Variants in ZDHHC14 observed in about 807,000 individuals in gnomAD.
ZDHHC14 encodes the protein palmitoyltransferase ZDHHC14.
A neutral mutation model predicts 47.7 loss-of-function variants in ZDHHC14; 16 were observed. The observed-to-expected ratio is 0.34, with a 90% CI of 0.23 to 0.51. The LOEUF (loss-of-function observed/expected upper bound fraction) is 0.51, where lower values mean the gene tolerates loss of function less well. Ranked by LOEUF, ZDHHC14 falls within the 20% of genes least tolerant of loss-of-function variation. The pLI, the probability that ZDHHC14 is intolerant of heterozygous loss-of-function variation, is 0.97. For missense variants in ZDHHC14, 515 were observed against 662.5 expected (o/e 0.78, Z 2.44); for synonymous variants, 293 against 278.9 (o/e 1.05, Z -0.50).
At chr6:157,518,044 G>A (rs1780765133) in intron 1 of ZDHHC14, among the ~76,000 whole-genome samples, 1 of 152,184 alleles carries the variant, frequency 6.6e-6, no homozygotes, top group South Asian at 2.1e-4. Flanking sequence ...AGGGTGGGGG[G>A]CTGGCCACCC....
chr6:157,550,406 CAT>C (rs1225129457), intron 2 of ZDHHC14, among the ~76,000 whole-genome samples: 1 of 151,862 alleles, frequency 6.6e-6, no homozygotes, highest in African/African-American at 2.4e-5. Flanking sequence ...GTCACACAGG[CAT>C]TCTAGAGAGA....
chr6:157,564,569 T>C (rs1782830906), intron 2 of ZDHHC14, among the ~76,000 whole-genome samples: 3 of 152,174 alleles, frequency 2.0e-5, no homozygotes, highest in Admixed American at 6.5e-5. Context: ...GTAGTAAACA[T>C]TGAAAATAAT....
intron 8 of ZDHHC14, among the ~76,000 whole-genome samples, chr6:157,669,285 C>T (rs958779878): frequency 1.3e-5 from 2 of 150,882 alleles, no homozygotes; most frequent in Non-Finnish European, 2.9e-5. Context: ...AAAGGGCCAG[C>T]AGCTGATGGA....
At chr6:157,576,323 C>T (rs748414162) in intron 2 of ZDHHC14, among the ~76,000 whole-genome samples, 17 of 152,100 alleles carry the variant, frequency 1.1e-4, no homozygotes, top group Non-Finnish European at 2.4e-4. Flanking sequence ...CAGTGGAAAC[C>T]GAAACAATGT....
intron 1 of ZDHHC14, among the ~76,000 whole-genome samples, chr6:157,495,246 A>G (rs2114732112): frequency 6.7e-6 from 1 of 148,568 alleles, no homozygotes; most frequent in South Asian, 2.1e-4. Flanking sequence ...TTGTTGTCCT[A>G]TGTAACTATG....
chr6:157,394,734 G>A (rs1777487908), intron 1 of ZDHHC14, among the ~76,000 whole-genome samples: 1 of 152,040 alleles, frequency 6.6e-6, no homozygotes, highest in South Asian at 2.1e-4. Flanking sequence ...TAACATCATC[G>A]TCGTCTTAAC....
At chr6:157,484,397 T>TACAC (rs1779722587) in intron 1 of ZDHHC14, among the ~76,000 whole-genome samples, 2 of 146,262 alleles carry the variant, frequency 1.4e-5, no homozygotes, top group South Asian at 2.1e-4. Context: ...TACGTATATA[T>TACAC]ACATATATAT....
chr6:157,635,874 C>T (rs1776946143), intron 5 of ZDHHC14, among the ~76,000 whole-genome samples: 1 of 152,210 alleles, frequency 6.6e-6, no homozygotes, highest in South Asian at 2.1e-4. Context: ...AAATCATTCT[C>T]GGATGGAGGT....
chr6:157,538,556 C>G (rs1781627429), intron 1 of ZDHHC14, among the ~76,000 whole-genome samples: 1 of 152,306 alleles, frequency 6.6e-6, no homozygotes. Context: ...TGCGAGGCAT[C>G]CTGCTAGGTG....
chr6:157,568,652 TG>T (rs1782993462), intron 2 of ZDHHC14, among the ~76,000 whole-genome samples: 1 of 152,224 alleles, frequency 6.6e-6, no homozygotes, highest in African/African-American at 2.4e-5. Context: ...CTAAAAATGC[TG>T]TTGCTGGGCC....
At chr6:157,385,448 A>G (rs1002766524) in intron 1 of ZDHHC14, among the ~76,000 whole-genome samples, 2 of 152,256 alleles carry the variant, frequency 1.3e-5, no homozygotes, top group Admixed American at 6.5e-5. Context: ...GCGTTTCCCC[A>G]GTTACACAAA....
chr6:157,562,793 G>T (rs1782759634), intron 2 of ZDHHC14, among the ~76,000 whole-genome samples: 1 of 152,122 alleles, frequency 6.6e-6, no homozygotes, highest in African/African-American at 2.4e-5. Flanking sequence ...GAAGTGTAGT[G>T]CTGTGGAGAG....
intron 2 of ZDHHC14, among the ~76,000 whole-genome samples, chr6:157,571,521 A>G (rs1180738902): frequency 6.6e-6 from 1 of 152,214 alleles, no homozygotes; most frequent in Admixed American, 6.5e-5. Context: ...ACCTTCCATA[A>G]TTAACTAGAT....
intron 2 of ZDHHC14, among the ~76,000 whole-genome samples, chr6:157,568,011 G>A (rs1443654902): frequency 6.6e-6 from 1 of 152,154 alleles, no homozygotes; most frequent in Non-Finnish European, 1.5e-5. Flanking sequence ...TCAGAGTGAA[G>A]TAAGAATCTG....
At chr6:157,451,417 C>A (rs1778800197) in intron 1 of ZDHHC14, among the ~76,000 whole-genome samples, 1 of 152,192 alleles carries the variant, frequency 6.6e-6, no homozygotes, top group African/African-American at 2.4e-5. Flanking sequence ...GGCAGTGTAT[C>A]CCCAGGTCCT....
intron 3 of ZDHHC14, among the ~76,000 whole-genome samples, chr6:157,621,629 C>T (rs1785190412): frequency 1.3e-5 from 2 of 152,138 alleles, no homozygotes; most frequent in African/African-American, 4.8e-5. Context: ...TGCCTGGCCA[C>T]AGGACATAAT....
At chr6:157,634,850 A>G (rs1446503475) in intron 5 of ZDHHC14, among the ~76,000 whole-genome samples, 1 of 152,210 alleles carries the variant, frequency 6.6e-6, no homozygotes, top group African/African-American at 2.4e-5. Flanking sequence ...CTGCTGAGAA[A>G]GGCCACCCTC....
intron 1 of ZDHHC14, among the ~76,000 whole-genome samples, chr6:157,495,482 C>T (rs1321834145): frequency 6.6e-6 from 1 of 152,086 alleles, no homozygotes; most frequent in Admixed American, 6.6e-5. Flanking sequence ...GTGGCTGCTG[C>T]CTCTAAGGAC....
At chr6:157,670,355 G>A (rs560187554) in intron 8 of ZDHHC14, among the ~76,000 whole-genome samples, 1 of 152,168 alleles carries the variant, frequency 6.6e-6, no homozygotes, top group Non-Finnish European at 1.5e-5. Flanking sequence ...GTACAGTGGC[G>A]TGATCTCAGC....
Sources: gnomAD v4.1 joint callset for allele counts (sites outside exome capture counted in the v4.1 genomes callset) on GRCh38, gnomAD v4.1.1 for gene constraint, MANE v1.5 for transcripts, NCBI Gene and HGNC (gene_info 2026-07-23, HGNC 2026-07-21) for gene names.